The following PANX2 variants were observed in gnomAD, a reference collection of about 807,000 sequenced individuals.
PANX2 encodes the protein pannexin-2.
A neutral mutation model predicts 38.7 loss-of-function variants in PANX2; 30 were observed. That is an observed-to-expected ratio of 0.78 (90% CI 0.58 to 1.05). The LOEUF (loss-of-function observed/expected upper bound fraction) is 1.05. Ranked by LOEUF, PANX2 falls within the 50% of genes least tolerant of loss-of-function variation. PANX2 has a pLI of 0.00. For synonymous variants in PANX2, 539 were observed against 472.1 expected (o/e 1.14, Z -1.84); for missense variants, 880 against 979.3 (o/e 0.90, Z 1.35).
At chr22:50,175,532 T>C in intron 1 of PANX2, 1 of 1,032,348 alleles carries the variant, frequency 9.7e-7, no homozygotes, top group Non-Finnish European at 1.3e-6. Flanking sequence ...TTCCTTTGCC[T>C]TGTCCGGTTT....
Position 50,177,623 on chromosome 22 carries a change from T to C in PANX2, c.911T>C (p.Ile304Thr). Residue 304 changes from isoleucine to threonine, a missense_variant, in exon 2 of 3, where the codon ATC becomes ACC. Transcript: ENST00000395842. ...GTGCTGCTGTGCGTCATGAACCTCA[T>C]CATCCTCGTCAACCTCATCCACCTC... Reference protein sequence around the residue: ...DIVLLCVMNLIILVNLIHLFI... With the variant: ...DIVLLCVMNLTILVNLIHLFI... 6.2e-7 allele frequency: 1 copy of C among 1,612,930 alleles called. No homozygotes were observed. The highest frequency in any genetic ancestry group is 8.5e-7 in the Non-Finnish European group (1 of 1,179,998).
chr22:50,178,900 G>T, intron 2 of PANX2, 34 bp from the exon 3 acceptor site: 1 of 1,509,998 alleles, frequency 6.6e-7, no homozygotes, highest in South Asian at 1.3e-5. Context: ...AGCGGAGGAT[G>T]GTGTGAGATG....
Position 50,179,075 on chromosome 22 carries a change from C to T in PANX2, c.1832C>T (p.Ala611Val), listed in dbSNP as rs750299983. The T allele has an allele frequency of 6.2e-6, 10 of 1,610,956 alleles. No homozygotes were observed. The highest frequency in any genetic ancestry group is 1.1e-5 in the South Asian group (1 of 90,864). The change falls in exon 3 of 3, where the codon GCG becomes GTG. Residue 611 changes from alanine (A) to valine (V), a missense_variant. This residue lies in a region of PANX2 where 445 missense variants were observed against 404.3 expected (regional missense o/e 1.10). Coordinates refer to ENST00000395842, the MANE Select transcript of PANX2 (RefSeq NM_052839.4). Reference sequence around the variant, plus strand: ...CTGACACCAGCCAGCCTGGGCAAGGCGGAGCCCCTCACCATCCTGAGCCGA... The same window carrying T: ...CTGACACCAGCCAGCCTGGGCAAGGTGGAGCCCCTCACCATCCTGAGCCGA... ...APLTPASLGK[A>V]EPLTILSRNA...
chr22:50,171,015 G>C, intron 1 of PANX2, 59 bp downstream of exon 1: 2 of 915,460 alleles, frequency 2.2e-6, no homozygotes, highest in Non-Finnish European at 3.1e-6. Context: ...AGGTGTCCGG[G>C]AGCTGGCGCT....
At chr22:50,173,949 C>T (rs1056819480) in intron 1 of PANX2, among the ~76,000 whole-genome samples, 1 of 152,104 alleles carries the variant, frequency 6.6e-6, no homozygotes, top group Admixed American at 6.5e-5. Flanking sequence ...TCCTCGTGAA[C>T]CGGGAAACGT....
chr22:50,171,374 C>T (rs961148559), intron 1 of PANX2, among the ~76,000 whole-genome samples: 3 of 152,120 alleles, frequency 2.0e-5, no homozygotes, highest in Admixed American at 6.5e-5. Context: ...GTGGAGCTGC[C>T]GGGCAGGGTT....
intron 1 of PANX2, among the ~76,000 whole-genome samples, chr22:50,174,255 G>C (rs992374391): frequency 1.3e-5 from 2 of 152,114 alleles, no homozygotes; most frequent in Non-Finnish European, 2.9e-5. Context: ...TTCACCCTTG[G>C]GGGGCACCTT....
In PANX2 at chr22:50,178,283, C is replaced by T; in HGVS notation, c.1571C>T (p.Thr524Ile). 6.5e-7 allele frequency: 1 copy of T among 1,532,782 alleles called. No homozygotes were observed. The highest frequency in any genetic ancestry group is 1.2e-5 in the South Asian group (1 of 82,612). The allele number at this position is 1,532,782 out of a possible 1,614,324, so 94.9% of individuals were successfully genotyped here. Residue 524 changes from threonine to isoleucine, a missense_variant, in exon 2 of 3, where the codon ACC (threonine) becomes ATC (isoleucine). Thr to Ile is a moderately conservative substitution (Grantham distance 89, BLOSUM62 -1). Coordinates refer to ENST00000395842, the MANE Select transcript of PANX2 (RefSeq NM_052839.4). ...GACGTGCACCCCTACATCCTCGGCA[C>T]CAAGAAGGCCAAGGCCGAGGCGGTG... ...SLDVHPYILG[T>I]KKAKAEAVPA...
In PANX2 at chr22:50,177,885, C is replaced by G. The variant is rs1569068444; in HGVS notation, c.1173C>G (p.His391Gln). 1 of 1,544,798 alleles carries G rather than the reference C, an allele frequency of 6.5e-7. No homozygotes were observed. The highest frequency in any genetic ancestry group is 1.2e-5 in the South Asian group (1 of 86,092). Residue 391 changes from histidine to glutamine, a missense_variant, in exon 2 of 3, where the codon CAC becomes CAG. His to Gln is a conservative substitution (Grantham distance 24). This residue lies in a region of PANX2 where 78 missense variants were observed against 133.1 expected (regional missense o/e 0.59). Coordinates refer to ENST00000395842, the MANE Select transcript of PANX2 (RefSeq NM_052839.4). ...QLLAALAQSN[H>Q]DATPTVRDSG... is the part of the protein sequence containing the mutation. ...TGGCGGCGCTGGCGCAGTCCAACCA[C>G]GACGCCACCCCCACGGTGCGCGACT...
chr22:50,179,086 A>G lies in PANX2; in HGVS notation c.1843A>G (p.Thr615Ala), dbSNP rs781741606. The G allele has an allele frequency of 1.2e-6, 2 of 1,611,102 alleles. No homozygotes were observed. The highest frequency in any genetic ancestry group is 1.7e-6 in the Non-Finnish European group (2 of 1,179,228). The stretch of plus-strand genomic sequence containing the variant: ...CAGCCTGGGCAAGGCGGAGCCCCTC[A>G]CCATCCTGAGCCGAAACGCCACACA... ...PASLGKAEPL[T>A]ILSRNATHPL... The change falls in exon 3 of 3, where the codon ACC (threonine) becomes GCC (alanine). Residue 615 changes from threonine (T) to alanine (A), a missense_variant. By Grantham distance (58) the Thr-to-Ala change is moderately conservative. Transcript: ENST00000395842.
In PANX2 at chr22:50,177,223, GGCC is replaced by G; in HGVS notation, c.514_516del (p.Arg172del). ...CAACTGTTACCACCGGGCGGCCGAG[GGCC>G]GCGCGCCCAAGATCGAGAAGCAGAT... On this transcript the variant is annotated inframe_deletion, in exon 2 of 3. Transcript: ENST00000395842. 1 of 1,611,100 alleles carries G rather than the reference GGCC, an allele frequency of 6.2e-7. No individual in the cohort carries two copies. The highest frequency in any genetic ancestry group is 8.5e-7 in the Non-Finnish European group (1 of 1,179,116).
Position 50,178,945 on chromosome 22 carries a change from C to G in PANX2, c.1702C>G (p.Pro568Ala). 1 of 1,573,834 alleles carries G rather than the reference C, an allele frequency of 6.4e-7. No individual in the cohort carries two copies. The highest frequency in any genetic ancestry group is 1.7e-4 in the Middle Eastern group (1 of 5,858). ...TTGGCTGTTTGCAGATGCTCCGCTCCCCGAGAAGGAAATCCCGTACCCCAC... is the reference window on the plus strand; with the variant it reads ...TTGGCTGTTTGCAGATGCTCCGCTCGCCGAGAAGGAAATCCCGTACCCCAC... ...APAPIKDAPL[P>A]EKEIPYPTEP... Residue 568 changes from proline (P) to alanine (A), a missense_variant, in exon 3 of 3, where the codon CCC (proline) becomes GCC (alanine). By Grantham distance (27) the Pro-to-Ala change is conservative (BLOSUM62 -1). Coordinates refer to ENST00000395842, the MANE Select transcript of PANX2 (RefSeq NM_052839.4).
In PANX2 at chr22:50,177,060, G is replaced by T; in HGVS notation, c.348G>T (p.Pro116=). The T allele has an allele frequency of 6.2e-7, 1 of 1,610,296 alleles. No individual in the cohort carries two copies. Among genetic ancestry groups the T allele is most frequent in the South Asian group, 1.1e-5 (1 of 90,696 alleles). The change falls in exon 2 of 3, where the codon CCG becomes CCT. Residue 116 remains proline (P), a synonymous_variant. Transcript: ENST00000395842. The part of the protein sequence containing the change: ...ALPGVDASLW[P]SLFEHKFLPY... ...CCGGCGTGGACGCCAGCCTGTGGCC[G>T]TCGCTGTTTGAGCACAAGTTCCTGC...
chr22:50,176,803 C>A (rs2063663442), intron 1 of PANX2, 136 bp from the exon 2 acceptor site: 2 of 942,014 alleles, frequency 2.1e-6, no homozygotes, highest in Non-Finnish European at 1.5e-6. Flanking sequence ...TCTGGGCAAC[C>A]GCAGGTGCTG....
chr22:50,175,869 C>G (rs1401770700), intron 1 of PANX2, among the ~76,000 whole-genome samples: 2 of 152,264 alleles, frequency 1.3e-5, no homozygotes, highest in Non-Finnish European at 2.9e-5. Context: ...CCAGAGTGGA[C>G]AGAGTCTCTA....
chr22:50,176,927 C>A lies in PANX2; in HGVS notation c.227-12C>A. The A allele has an allele frequency of 6.6e-7, 1 of 1,516,062 alleles. No homozygotes were observed. The highest frequency in any genetic ancestry group is 8.8e-7 in the Non-Finnish European group (1 of 1,138,826). 93.9% of individuals were successfully genotyped at this position (1,516,062 alleles called of 1,614,324 possible). A position where few individuals can be genotyped will look rare whatever the true frequency, so the allele number is the denominator to read the frequency against. ...CTCCCCGCCCCAGCCCGTGTCTCCT[C>A]TTTGCCCCCAGAGGAACCCATTTAC... is the stretch of plus-strand genomic sequence containing the variant. On this transcript the variant is annotated splice_polypyrimidine_tract_variant and intron_variant, in intron 1 of 2. Coordinates refer to ENST00000395842, the MANE Select transcript of PANX2 (RefSeq NM_052839.4).
Position 50,177,722 on chromosome 22 carries a change from GC to G in PANX2, c.1012del (p.Arg338AlafsTer93). ...GGCATCAAGACGCGCCGGCAGTGGC[GC>G]CGCTCGCAGTTCTGCGACATCAACA... ...KVGIKTRRQW[R>X]RSQFCDINIL... On this transcript the variant is annotated frameshift_variant, in exon 2 of 3. Transcript: ENST00000395842. LOFTEE classifies it high-confidence loss of function. 1 of 1,609,928 alleles carries G rather than the reference GC, an allele frequency of 6.2e-7. No individual in the cohort carries two copies. Among genetic ancestry groups the G allele is most frequent in the Non-Finnish European group, 8.5e-7 (1 of 1,179,440 alleles).
chr22:50,177,943 C>T lies in PANX2; in HGVS notation c.1231C>T (p.Pro411Ser). 6.5e-7 allele frequency: 1 copy of T among 1,532,022 alleles called. No individual in the cohort carries two copies. The highest frequency in any genetic ancestry group is 8.7e-7 in the Non-Finnish European group (1 of 1,143,912). The allele number at this position is 1,532,022 out of a possible 1,614,324, so 94.9% of individuals were successfully genotyped here. A position where few individuals can be genotyped will look rare whatever the true frequency, so the allele number is the denominator to read the frequency against. ...GVQTVDPSANPAEPDGAAEPP... is the reference protein window; with the variant it reads ...GVQTVDPSANSAEPDGAAEPP... ...GCAGACCGTGGACCCCAGCGCCAAC[C>T]CCGCCGAGCCCGACGGCGCCGCCGA... The change falls in exon 2 of 3, where the codon CCC becomes TCC. Residue 411 changes from proline to serine, a missense_variant. This residue lies in a region of PANX2 where 445 missense variants were observed against 404.3 expected (regional missense o/e 1.10). Coordinates refer to ENST00000395842, the MANE Select transcript of PANX2 (RefSeq NM_052839.4).
Position 50,177,431 on chromosome 22 carries a change from T to G in PANX2, c.719T>G (p.Val240Gly), listed in dbSNP as rs775058711. The G allele has an allele frequency of 3.1e-6, 5 of 1,608,780 alleles. No homozygotes were observed. Among genetic ancestry groups the G allele is most frequent in the Non-Finnish European group, 3.4e-6 (4 of 1,178,268 alleles). The change falls in exon 2 of 3, where the codon GTG (valine) becomes GGG (glycine). Residue 240 changes from valine to glycine, a missense_variant. This residue lies in a region of PANX2 where 114 missense variants were observed against 108.8 expected (regional missense o/e 1.05). Coordinates refer to ENST00000395842, the MANE Select transcript of PANX2 (RefSeq NM_052839.4). ...GTGCTGATCCTGCTGCTGAGCGCCG[T>G]GCCCATCTCCTACCTGTGCACCTAC... Reference protein sequence around the residue: ...RHVLILLLSAVPISYLCTYYA... With the variant: ...RHVLILLLSAGPISYLCTYYA...
Sources: allele counts gnomAD v4.1 joint callset (sites outside exome capture counted in the v4.1 genomes callset), GRCh38; gene constraint gnomAD v4.1.1; regional missense constraint gnomAD v4.1.1; transcripts MANE v1.5; gene names NCBI Gene and HGNC (gene_info 2026-07-23, HGNC 2026-07-21).